Variants in SLC35F4 observed in about 807,000 individuals in gnomAD.
The protein encoded by SLC35F4 is solute carrier family 35 member F4, also known as chromosome 14 open reading frame 36.
SLC35F4 carries 24 observed loss-of-function variants against 44.2 expected under a neutral mutation model. The observed-to-expected ratio is 0.54, with a 90% CI of 0.39 to 0.76. The LOEUF (loss-of-function observed/expected upper bound fraction) is 0.76. SLC35F4 is among the 30% of genes least tolerant of loss of function. The probability of loss-of-function intolerance (pLI) is 0.00; values close to 1 mark genes in which losing one functional copy is unlikely to be tolerated. For synonymous variants in SLC35F4, 238 were observed against 223.6 expected (o/e 1.06, Z -0.57); for missense variants, 562 against 586.1 (o/e 0.96, Z 0.42).
At chr14:57,733,204 C>T (rs1254833617) in intron 1 of SLC35F4, among the ~76,000 whole-genome samples, 3 of 152,090 alleles carry the variant, frequency 2.0e-5, no homozygotes, top group Non-Finnish European at 4.4e-5. Context: ...CTCCGGCCTA[C>T]TGATTTGGAA....
At chr14:57,697,876 T>C (rs2075429508) in intron 1 of SLC35F4, among the ~76,000 whole-genome samples, 2 of 152,166 alleles carry the variant, frequency 1.3e-5, no homozygotes, top group South Asian at 2.1e-4. Context: ...TGGAGAATCA[T>C]ACTGTACAAT....
intron 1 of SLC35F4, among the ~76,000 whole-genome samples, chr14:57,924,470 A>G (rs808234): frequency 0.39 from 58,201 of 150,564 alleles, 11,423 homozygotes; most frequent in African/African-American, 0.45. Context: ...TTTTTTTAAG[A>G]CGGAGACTCG....
At chr14:57,676,984 C>T (rs762580002) in intron 1 of SLC35F4, among the ~76,000 whole-genome samples, 3 of 151,996 alleles carry the variant, frequency 2.0e-5, no homozygotes, top group East Asian at 1.9e-4. Context: ...CAGTACAACT[C>T]GCAATTGCAA....
chr14:57,931,566 A>G (rs981388290), intron 1 of SLC35F4, among the ~76,000 whole-genome samples: 1 of 152,152 alleles, frequency 6.6e-6, no homozygotes, highest in African/African-American at 2.4e-5. Flanking sequence ...ATATGAAAAT[A>G]AAATTAGTTC....
In SLC35F4 at chr14:57,775,213, C is replaced by T. The variant is rs563977337; in HGVS notation, c.103+90510G>A. Among the ~76,000 whole-genome samples the T allele has an allele frequency of 2.6e-4, 39 of 152,364 alleles. No individual in the cohort carries two copies. In the South Asian group the frequency reaches 4.3e-3, roughly 17 times the overall value. ...GGATGCCAAAACCCAAGCCATGCTACCACCACCACTGCTGGGAACACCTGC... is the reference window on the plus strand; with the variant it reads ...GGATGCCAAAACCCAAGCCATGCTATCACCACCACTGCTGGGAACACCTGC... On this transcript the variant is annotated intron_variant, in intron 1 of 7. Transcript: ENST00000556826.
intron 1 of SLC35F4, among the ~76,000 whole-genome samples, chr14:57,834,391 G>A (rs750123510): frequency 1.3e-5 from 2 of 152,104 alleles, no homozygotes; most frequent in Non-Finnish European, 2.9e-5. Context: ...CTATAAAAAT[G>A]TCATAAATTA....
At chr14:57,829,161 G>A (rs1246884707) in intron 1 of SLC35F4, among the ~76,000 whole-genome samples, 1 of 152,188 alleles carries the variant, frequency 6.6e-6, no homozygotes, top group Non-Finnish European at 1.5e-5. Flanking sequence ...TGATGTTAGA[G>A]GCATTCAGAA....
At chr14:57,717,950 G>A (rs2075986212) in intron 1 of SLC35F4, among the ~76,000 whole-genome samples, 1 of 152,088 alleles carries the variant, frequency 6.6e-6, no homozygotes, top group Non-Finnish European at 1.5e-5. Context: ...ACTATTGATA[G>A]CACTCTTATT....
intron 3 of SLC35F4, among the ~76,000 whole-genome samples, chr14:57,583,699 C>G (rs931850850): frequency 2.6e-5 from 4 of 152,188 alleles, no homozygotes; most frequent in Admixed American, 2.6e-4. Context: ...TTCCCCTTCT[C>G]TCACTGCCGA....
chr14:57,974,047 T>C (rs1035552972), downstream of SLC35F4, among the ~76,000 whole-genome samples: 2 of 152,158 alleles, frequency 1.3e-5, no homozygotes, highest in Non-Finnish European at 2.9e-5. Context: ...TTTATGATTT[T>C]CTGAGTCAGG....
At chr14:57,790,039 T>C (rs2077875349) in intron 1 of SLC35F4, among the ~76,000 whole-genome samples, 1 of 152,172 alleles carries the variant, frequency 6.6e-6, no homozygotes, top group Non-Finnish European at 1.5e-5. Context: ...GCCAATATCA[T>C]ACTGAATGGG....
intron 4 of SLC35F4, chr14:57,580,526 G>A (rs1489191085): frequency 2.5e-6 from 1 of 392,968 alleles, no homozygotes; most frequent in South Asian, 1.9e-5. Flanking sequence ...AAATCTTCAG[G>A]GCTTCCCAGC....
At chr14:57,819,270 A>C (rs73291406) in intron 1 of SLC35F4, among the ~76,000 whole-genome samples, 4,337 of 152,246 alleles carry the variant, frequency 0.028, 118 homozygotes, top group African/African-American at 0.075. Context: ...AAAATTATTA[A>C]AATGAAATAT....
intron 1 of SLC35F4, among the ~76,000 whole-genome samples, chr14:57,601,400 G>A (rs1385529792): frequency 6.6e-6 from 1 of 151,612 alleles, no homozygotes; most frequent in Non-Finnish European, 1.5e-5. Flanking sequence ...TTCTGGTTTT[G>A]GGTATGAATG....
chr14:57,640,069 C>A (rs977439397), intron 1 of SLC35F4, among the ~76,000 whole-genome samples: 5 of 152,032 alleles, frequency 3.3e-5, no homozygotes, highest in African/African-American at 9.6e-5. Context: ...CAACTTATAT[C>A]CTATAATAAA....
intron 1 of SLC35F4, among the ~76,000 whole-genome samples, chr14:57,885,537 C>T (rs73298617): frequency 0.035 from 5,339 of 152,126 alleles, 323 homozygotes; most frequent in African/African-American, 0.12. Flanking sequence ...ACATACTTTC[C>T]CTCTTCCCTA....
chr14:57,622,352 T>A (rs1007648969), intron 1 of SLC35F4, among the ~76,000 whole-genome samples: 3 of 145,318 alleles, frequency 2.1e-5, no homozygotes, highest in Non-Finnish European at 4.5e-5. Flanking sequence ...CATGCTGCTA[T>A]AAAGACACAT....
At chr14:57,943,891 C>G (rs1889960755) in intron 1 of SLC35F4, among the ~76,000 whole-genome samples, 1 of 152,200 alleles carries the variant, frequency 6.6e-6, no homozygotes, top group Non-Finnish European at 1.5e-5. Flanking sequence ...AGTGAATTGG[C>G]AGGGCTGAAG....
chr14:57,708,019 A>G (rs898341737), intron 1 of SLC35F4, among the ~76,000 whole-genome samples: 2 of 152,188 alleles, frequency 1.3e-5, no homozygotes, highest in African/African-American at 4.8e-5. Context: ...GGATTAACAA[A>G]TTAGCCACAA....
Sources: allele counts gnomAD v4.1 joint callset (sites outside exome capture counted in the v4.1 genomes callset), GRCh38; gene constraint gnomAD v4.1.1; transcripts MANE v1.5; gene names NCBI Gene and HGNC (gene_info 2026-07-23, HGNC 2026-07-21).